The following ANAPC7 variants were observed in gnomAD, a reference collection of about 807,000 sequenced individuals.
ANAPC7 encodes anaphase-promoting complex subunit 7.
ANAPC7 carries 25 observed loss-of-function variants against 63.3 expected under a neutral mutation model. That is an observed-to-expected ratio of 0.39 (90% confidence interval 0.29 to 0.55). The LOEUF is 0.55. ANAPC7 is among the 20% of genes least tolerant of loss of function. ANAPC7 has a pLI of 0.57. For missense variants in ANAPC7, 516 were observed against 691.7 expected (o/e 0.75, Z 2.85); for synonymous variants, 241 against 251.7 (o/e 0.96, Z 0.40).
intron 1 of ANAPC7, among the ~76,000 whole-genome samples, chr12:110,399,256 A>G (rs918230049): frequency 6.6e-6 from 1 of 151,774 alleles, no homozygotes; most frequent in Non-Finnish European, 1.5e-5. Flanking sequence ...TCCTGACCTC[A>G]TGATCCACCC....
chr12:110,403,315 C>A (rs1592937946), intron 1 of ANAPC7, among the ~76,000 whole-genome samples: 1 of 152,222 alleles, frequency 6.6e-6, no homozygotes, highest in Non-Finnish European at 1.5e-5. Context: ...AGCCGCCGCT[C>A]GCCACATCCC....
chr12:110,399,019 ATTCT>A (rs1419204560), intron 1 of ANAPC7, among the ~76,000 whole-genome samples: 37 of 151,022 alleles, frequency 2.4e-4, no homozygotes, highest in Non-Finnish European at 4.6e-4. Context: ...GAGCTGAATA[ATTCT>A]TTTTTTTTTT....
In ANAPC7 at chr12:110,375,825, C is replaced by G. The variant is rs535434223; in HGVS notation, c.1508+241G>C. 112 of 1,192,564 alleles carry G rather than the reference C, an allele frequency of 9.4e-5. No homozygotes were observed. The African/African-American group carries it at 1.6e-3, about 17-fold the overall frequency. The allele number at this position is 1,192,564 out of a possible 1,614,324, so 73.9% of individuals were successfully genotyped here. On this transcript the variant is annotated intron_variant, in intron 10 of 10. Coordinates refer to ENST00000455511, the MANE Select transcript of ANAPC7 (RefSeq NM_016238.3). ...AGAAGATGAGCTATACAAATGAACA[C>G]AGATGTTATAGTGGTGTGGGATGGT... is the stretch of plus-strand genomic sequence containing the variant.
intron 8 of ANAPC7, among the ~76,000 whole-genome samples, chr12:110,378,283 G>A (rs752460830): frequency 1.3e-5 from 2 of 152,024 alleles, no homozygotes; most frequent in African/African-American, 2.4e-5. Flanking sequence ...TAGTAGAGAC[G>A]GGGTTTCTCC....
Position 110,377,606 on chromosome 12 carries a change from A to G in ANAPC7, c.1144T>C (p.Cys382Arg). ...CGAATACTGTTGGAGGCTAAGTAACATTCGATAAGACCTGAAAAAAGTAAA... is the reference window on the plus strand; with the variant it reads ...CGAATACTGTTGGAGGCTAAGTAACGTTCGATAAGACCTGAAAAAAGTAAA... ...RLDCYEGLIE[C>R]YLASNSIREA... is the part of the protein sequence containing the mutation. Residue 382 changes from cysteine to arginine, a missense_variant, in exon 9 of 11, where the codon TGT (cysteine) becomes CGT (arginine). Around this residue, in one of 4 missense-constraint regions of ANAPC7, gnomAD observed 199 missense variants for 249.3 expected, o/e 0.80. Transcript: ENST00000455511. The G allele has an allele frequency of 6.2e-7, 1 of 1,614,200 alleles. No individual in the cohort carries two copies. The highest frequency in any genetic ancestry group is 8.5e-7 in the Non-Finnish European group (1 of 1,180,022).
chr12:110,389,007 G>A (rs546510610), intron 3 of ANAPC7, among the ~76,000 whole-genome samples: 3 of 151,288 alleles, frequency 2.0e-5, no homozygotes, highest in East Asian at 1.9e-4. Flanking sequence ...GTGTGAAACC[G>A]GGAGGCGGAG....
chr12:110,395,804 C>T (rs1483011879), intron 2 of ANAPC7, among the ~76,000 whole-genome samples: 1 of 152,212 alleles, frequency 6.6e-6, no homozygotes, highest in African/African-American at 2.4e-5. Context: ...TCCCAAAGTG[C>T]TGGGATTACA....
At chr12:110,395,937 A>C (rs978689994) in intron 2 of ANAPC7, among the ~76,000 whole-genome samples, 1 of 152,154 alleles carries the variant, frequency 6.6e-6, no homozygotes, top group Non-Finnish European at 1.5e-5. Flanking sequence ...CAATTTTTCC[A>C]CAGATGGGGG....
chr12:110,396,015 A>C (rs1333821362), intron 2 of ANAPC7, among the ~76,000 whole-genome samples: 1 of 152,192 alleles, frequency 6.6e-6, no homozygotes, highest in South Asian at 2.1e-4. Flanking sequence ...GATTATAATA[A>C]GGAACACACA....
At chr12:110,402,581 G>C (rs1338820263) in intron 1 of ANAPC7, among the ~76,000 whole-genome samples, 1 of 152,030 alleles carries the variant, frequency 6.6e-6, no homozygotes, top group East Asian at 1.9e-4. Context: ...TGATCCGCCC[G>C]CCTCGGCCTC....
At chr12:110,382,453 A>ATAT (rs1484650106) in intron 7 of ANAPC7, among the ~76,000 whole-genome samples, 119 of 71,704 alleles carry the variant, frequency 1.7e-3, no homozygotes, top group Non-Finnish European at 2.4e-3. Context: ...AAAAAAAAAA[A>ATAT]AAAAAAAAAT....
intron 5 of ANAPC7, chr12:110,387,510 G>A (rs1882723415): frequency 2.5e-6 from 1 of 394,334 alleles, no homozygotes; most frequent in Non-Finnish European, 4.5e-6. Context: ...TACTACCTGT[G>A]CAGGCACAGA....
intron 3 of ANAPC7, among the ~76,000 whole-genome samples, chr12:110,392,374 TA>T (rs1339528224): frequency 6.8e-6 from 1 of 147,288 alleles, no homozygotes; most frequent in Non-Finnish European, 1.5e-5. Context: ...AGGAGGTGCT[TA>T]AACATGTTCT....
chr12:110,396,508 C>A, intron 1 of ANAPC7, 56 bp from the exon 2 acceptor site: 1 of 1,394,404 alleles, frequency 7.2e-7, no homozygotes, highest in South Asian at 1.3e-5. Flanking sequence ...TCCAAGCTCC[C>A]CCAGCTTCTT....
In ANAPC7 at chr12:110,373,240, CGCA is replaced by C. The variant is rs1226035939; in HGVS notation, c.*901_*903del. 8 of 152,136 alleles carry C rather than the reference CGCA, an allele frequency of 5.3e-5. No homozygotes were observed. The highest frequency in any genetic ancestry group is 3.2e-3 in the Middle Eastern group (1 of 316). The allele number at this position is 152,136 out of a possible 1,614,324, so 9.4% of individuals were successfully genotyped here. A position where few individuals can be genotyped will look rare whatever the true frequency, so the allele number is the denominator to read the frequency against. On this transcript the variant is annotated 3_prime_UTR_variant, in exon 11 of 11. Coordinates refer to ENST00000455511, the MANE Select transcript of ANAPC7 (RefSeq NM_016238.3). The stretch of plus-strand genomic sequence containing the variant: ...AGCTGCAGCAAAAGAGCCAGGCAGA[CGCA>C]GCTGAAATCTGGCCAAAGACTCTCA...
intron 1 of ANAPC7, among the ~76,000 whole-genome samples, chr12:110,396,950 T>A (rs1403419963): frequency 6.7e-6 from 1 of 148,648 alleles, no homozygotes; most frequent in African/African-American, 2.5e-5. Flanking sequence ...ACGCCTGTAA[T>A]CCCAGCACTT....
intron 8 of ANAPC7, among the ~76,000 whole-genome samples, chr12:110,379,428 C>A (rs192824417): frequency 9.2e-5 from 14 of 152,200 alleles, no homozygotes; most frequent in African/African-American, 2.7e-4. Context: ...GGGAAACATC[C>A]GCTGTCCAAA....
At chr12:110,377,762 C>T in intron 8 of ANAPC7, 145 bp from the exon 9 acceptor site, 9 of 1,479,494 alleles carry the variant, frequency 6.1e-6, no homozygotes, top group South Asian at 2.7e-5. Flanking sequence ...ATTAGACTGG[C>T]AAGAGTGTTG....
intron 1 of ANAPC7, among the ~76,000 whole-genome samples, chr12:110,400,804 G>A (rs1187191878): frequency 6.6e-6 from 1 of 151,792 alleles, no homozygotes; most frequent in East Asian, 1.9e-4. Flanking sequence ...CAAGCACTTT[G>A]GGAGGCCTAA....
Sources: gnomAD v4.1 joint callset for allele counts (sites outside exome capture counted in the v4.1 genomes callset) on GRCh38, gnomAD v4.1.1 for gene constraint, gnomAD v4.1.1 regional missense constraint, MANE v1.5 for transcripts, NCBI Gene and HGNC (gene_info 2026-07-23, HGNC 2026-07-21) for gene names.